MAGI2: variants seen among roughly 807,000 people sequenced by gnomAD.
MAGI2 encodes the protein membrane-associated guanylate kinase, WW and PDZ domain-containing protein 2.
MAGI2 carries 35 observed loss-of-function variants against 133.3 expected under a neutral mutation model. The ratio of observed to expected loss-of-function variants is 0.26; its 90% CI spans 0.20 to 0.35. The LOEUF is 0.35. Among genes scored for constraint, MAGI2 ranks in the 10% least tolerant of loss-of-function variants. The pLI is 1.00. For missense variants in MAGI2, 1,636 were observed against 1,863.4 expected (o/e 0.88, Z 2.25); for synonymous variants, 729 against 710.6 (o/e 1.03, Z -0.41).
rs192848225 is a variant in MAGI2 at position 79,182,981 on chromosome 7, A to C, written c.302-175775T>G. ...TTGCATTTTCTCATTCCCATATGTG[A>C]GAGCTAAAAAAGTTGATCACATGGA... On this transcript the variant is annotated intron_variant, in intron 1 of 21. Coordinates refer to ENST00000354212, the MANE Select transcript of MAGI2 (RefSeq NM_012301.4). 7.2e-5 allele frequency among the ~76,000 whole-genome samples: 11 copies of C among 152,050 alleles called. No individual in the cohort carries two copies. In the East Asian group the frequency reaches 1.9e-3, roughly 27 times the overall value.
At chr7:78,612,614 A>G (rs954576022) in intron 3 of MAGI2, among the ~76,000 whole-genome samples, 1 of 152,148 alleles carries the variant, frequency 6.6e-6, no homozygotes, top group African/African-American at 2.4e-5. Flanking sequence ...GGTCTCATTA[A>G]CGGAATAAGG....
rs550566382 is a variant in MAGI2, at chr7:78,691,793, A to G, written c.419-64554T>C. On this transcript the variant is annotated intron_variant, in intron 2 of 21. Transcript: ENST00000354212. Reference sequence around the variant, plus strand: ...ACAAAGCACAGAGAATTTTTAGGGAAGTGAAACTACCCTGTATGACACTAT... The same window carrying G: ...ACAAAGCACAGAGAATTTTTAGGGAGGTGAAACTACCCTGTATGACACTAT... 1.4e-4 allele frequency among the ~76,000 whole-genome samples: 21 copies of G among 152,304 alleles called. No homozygotes were observed. In the South Asian group the frequency reaches 4.4e-3, roughly 32 times the overall value.
At chr7:78,907,746 A>C (rs1205695971) in intron 2 of MAGI2, among the ~76,000 whole-genome samples, 1 of 152,084 alleles carries the variant, frequency 6.6e-6, no homozygotes, top group Non-Finnish European at 1.5e-5. Flanking sequence ...TTAGGCCTCT[A>C]TTTTTCCCCA....
At chr7:79,075,500 T>A (rs1290610261) in intron 1 of MAGI2, among the ~76,000 whole-genome samples, 1 of 152,118 alleles carries the variant, frequency 6.6e-6, no homozygotes, top group Non-Finnish European at 1.5e-5. Context: ...GTGGCTCACA[T>A]CTGTAATCCC....
At chr7:78,519,164 T>A (rs1796288571) in intron 4 of MAGI2, 1 of 149,138 alleles carries the variant, frequency 6.7e-6, no homozygotes, top group Admixed American at 6.7e-5. Context: ...GTGATGAGTT[T>A]CAAAAGGTGA....
intron 3 of MAGI2, among the ~76,000 whole-genome samples, chr7:78,535,328 T>C (rs1190610638): frequency 1.3e-5 from 2 of 152,224 alleles, no homozygotes; most frequent in East Asian, 1.9e-4. Flanking sequence ...TGTTAAAGAT[T>C]TGGGTCAATT....
intron 1 of MAGI2, among the ~76,000 whole-genome samples, chr7:79,277,187 A>G (rs114798965): frequency 7.1e-4 from 108 of 152,154 alleles, no homozygotes; most frequent in African/African-American, 2.5e-3. Context: ...AGCCATCCCA[A>G]CCTTCAGCAA....
At chr7:78,988,472 C>T (rs1805466846) in intron 2 of MAGI2, among the ~76,000 whole-genome samples, 1 of 152,028 alleles carries the variant, frequency 6.6e-6, no homozygotes, top group Admixed American at 6.6e-5. Flanking sequence ...GCTATTTCAA[C>T]ATGGAAGGTT....
intron 21 of MAGI2, among the ~76,000 whole-genome samples, chr7:78,069,034 C>CT (rs1814157124): frequency 6.6e-6 from 1 of 152,176 alleles, no homozygotes; most frequent in Non-Finnish European, 1.5e-5. Flanking sequence ...GGGCCAGACT[C>CT]TCCGTAATGA....
At chr7:79,265,102 C>G (rs1432072609) in intron 1 of MAGI2, among the ~76,000 whole-genome samples, 4 of 152,058 alleles carry the variant, frequency 2.6e-5, no homozygotes, top group African/African-American at 4.8e-5. Flanking sequence ...CAATTATTTA[C>G]CTGAATTTCC....
In MAGI2 at chr7:78,601,553, A is replaced by C. The variant is rs565916883; in HGVS notation, c.538+25567T>G. ...AAATTTTGGTTGTTCGAGATATTGCAAAAATCCTGTTTCCTTTCAGTATTT... is the reference window on the plus strand; with the variant it reads ...AAATTTTGGTTGTTCGAGATATTGCCAAAATCCTGTTTCCTTTCAGTATTT... On this transcript the variant is annotated intron_variant, in intron 3 of 21. Coordinates refer to ENST00000354212, the MANE Select transcript of MAGI2 (RefSeq NM_012301.4). Among the ~76,000 whole-genome samples, 3 of 152,314 alleles carry C rather than the reference A, an allele frequency of 2.0e-5. No homozygotes were observed. The East Asian group carries it at 5.8e-4, about 29-fold the overall frequency.
At chr7:79,191,975 T>G (rs749850428) in intron 1 of MAGI2, among the ~76,000 whole-genome samples, 1 of 151,888 alleles carries the variant, frequency 6.6e-6, no homozygotes, top group Non-Finnish European at 1.5e-5. Flanking sequence ...TCTTAAAAAG[T>G]ATTTTAAATG....
intron 2 of MAGI2, among the ~76,000 whole-genome samples, chr7:79,004,336 T>C (rs1267136303): frequency 2.0e-5 from 3 of 152,200 alleles, no homozygotes; most frequent in Non-Finnish European, 2.9e-5. Context: ...ATCACTATGT[T>C]AAATGAAACA....
At chr7:78,654,106 G>T (rs1382035109) in intron 2 of MAGI2, among the ~76,000 whole-genome samples, 1 of 152,156 alleles carries the variant, frequency 6.6e-6, no homozygotes, top group Non-Finnish European at 1.5e-5. Flanking sequence ...TAGGATTAAG[G>T]TTAATAGCAC....
At chr7:78,214,750 AC>A (rs5885043) in intron 10 of MAGI2, among the ~76,000 whole-genome samples, 1,573 of 152,358 alleles carry the variant, frequency 0.01, 25 homozygotes, top group African/African-American at 0.035. Flanking sequence ...GAGATAAAGC[AC>A]AAAAATCATC....
At chr7:78,314,888 T>G (rs1401229868) in intron 9 of MAGI2, among the ~76,000 whole-genome samples, 1 of 152,208 alleles carries the variant, frequency 6.6e-6, no homozygotes, top group Non-Finnish European at 1.5e-5. Flanking sequence ...TGTGGTTGTT[T>G]CTATTAGAGG....
intron 3 of MAGI2, among the ~76,000 whole-genome samples, chr7:78,527,472 G>A (rs1294866282): frequency 6.6e-6 from 1 of 152,116 alleles, no homozygotes; most frequent in African/African-American, 2.4e-5. Flanking sequence ...GGGAAAAACA[G>A]GAATATGAAA....
At chr7:78,328,502 A>AACACACACACACAC (rs1554346526) in intron 9 of MAGI2, among the ~76,000 whole-genome samples, 16,534 of 104,972 alleles carry the variant, frequency 0.16, 1,874 homozygotes, top group East Asian at 0.43. Flanking sequence ...CCAGCTCTAA[A>AACACACACACACAC]ACACACACAC....
In MAGI2 at chr7:78,135,033, T is replaced by G. The variant is rs762906404; in HGVS notation, c.3019A>C (p.Ile1007Leu). The G allele has an allele frequency of 6.2e-7, 1 of 1,614,050 alleles. No homozygotes were observed. Among genetic ancestry groups the G allele is most frequent in the Non-Finnish European group, 8.5e-7 (1 of 1,180,000 alleles). The change falls in exon 17 of 22, where the codon ATT (isoleucine) becomes CTT (leucine). Residue 1007 changes from isoleucine to leucine, a missense_variant. Transcript: ENST00000354212. ...CTCAGGCACTCACCCTCCTGAGGAA[T>G]GATGCGAAGGGTGACACTAAGACCT... ...DAGLSVTLRI[I>L]PQEELNSPTS...
Sources: gnomAD v4.1 joint callset for allele counts (sites outside exome capture counted in the v4.1 genomes callset) on GRCh38, gnomAD v4.1.1 for gene constraint, MANE v1.5 for transcripts, NCBI Gene and HGNC (gene_info 2026-07-23, HGNC 2026-07-21) for gene names.